The following CAPZB variants were observed in gnomAD, a reference collection of about 807,000 sequenced individuals.
The protein encoded by CAPZB is capping actin protein of muscle Z-line subunit beta.
Under a neutral mutation model 38.1 loss-of-function variants are expected in CAPZB, and 2 were observed. That is an observed-to-expected ratio of 0.05 (90% confidence interval 0.02 to 0.17). CAPZB has a LOEUF of 0.17. Among genes scored for constraint, CAPZB ranks in the 10% least tolerant of loss-of-function variants. The probability of loss-of-function intolerance (pLI) is 1.00; values close to 1 mark genes in which losing one functional copy is unlikely to be tolerated. For synonymous variants in CAPZB, 107 were observed against 127.4 expected (o/e 0.84, Z 1.08); for missense variants, 161 against 334.2 (o/e 0.48, Z 4.04).
chr1:19,449,868 C>T (rs1490875178), intron 1 of CAPZB, among the ~76,000 whole-genome samples: 1 of 150,676 alleles, frequency 6.6e-6, no homozygotes, highest in African/African-American at 2.4e-5. Flanking sequence ...AGGCTGGGCA[C>T]AGTAGCTCAC....
intron 7 of CAPZB, 83 bp downstream of exon 7, chr1:19,345,104 A>C (rs532960744): frequency 1.2e-5 from 12 of 1,028,394 alleles, no homozygotes; most frequent in Admixed American, 1.8e-5. Context: ...GCAGCAGAGA[A>C]GGAGGCCAGC....
chr1:19,461,586 G>T (rs150432723), intron 1 of CAPZB, among the ~76,000 whole-genome samples: 149 of 152,352 alleles, frequency 9.8e-4, no homozygotes, highest in Middle Eastern at 3.4e-3. Context: ...CAGGGCCATT[G>T]CCCCCTTGAC....
intron 1 of CAPZB, among the ~76,000 whole-genome samples, chr1:19,433,215 G>A (rs1042581173): frequency 6.6e-6 from 1 of 152,178 alleles, no homozygotes; most frequent in Admixed American, 6.5e-5. Flanking sequence ...ATAATTATGG[G>A]CAATCCTGAG....
chr1:19,472,521 C>A (rs570889426), intron 1 of CAPZB, among the ~76,000 whole-genome samples: 6 of 152,084 alleles, frequency 3.9e-5, no homozygotes, highest in African/African-American at 1.2e-4. Context: ...ATACTATGCT[C>A]TATTATTCCA....
rs570024908 is a variant in CAPZB at position 19,458,636 on chromosome 1, G to A, written c.3+26800C>T. Among the ~76,000 whole-genome samples the A allele has an allele frequency of 4.1e-4, 62 of 152,348 alleles. 1 individual carries two copies. In the East Asian group the frequency reaches 8.9e-3, roughly 22 times the overall value. ...CTCCCAAAGTGCTGGGATTACAGGC[G>A]TGAGCCACCATGCCCAGCCTTATGC... On this transcript the variant is annotated intron_variant, in intron 1 of 8. Transcript: ENST00000264202.
At chr1:19,361,367 C>T (rs1430024108) in intron 4 of CAPZB, among the ~76,000 whole-genome samples, 7 of 152,208 alleles carry the variant, frequency 4.6e-5, no homozygotes, top group Non-Finnish European at 1.0e-4. Flanking sequence ...TTCCATTCAC[C>T]AAAAGGGATC....
At chr1:19,355,320 C>T (rs1224697689) in intron 6 of CAPZB, among the ~76,000 whole-genome samples, 3 of 151,954 alleles carry the variant, frequency 2.0e-5, no homozygotes, top group Non-Finnish European at 4.4e-5. Flanking sequence ...ATGGTGAAAT[C>T]CCATCTCTAC....
chr1:19,357,283 G>A lies in CAPZB; in HGVS notation c.471+139C>T. 1 of 716,122 alleles carries A rather than the reference G, an allele frequency of 1.4e-6. No homozygotes were observed. The highest frequency in any genetic ancestry group is 1.8e-5 in the South Asian group (1 of 54,804). The allele number at this position is 716,122 out of a possible 1,614,324, so 44.4% of individuals were successfully genotyped here. On this transcript the variant is annotated intron_variant, in intron 5 of 8. Coordinates refer to ENST00000264202, the MANE Select transcript of CAPZB (RefSeq NM_004930.5). The surrounding 1 kb of genome is among the most constrained non-coding windows in gnomAD (Gnocchi z 4.3). Reference sequence around the variant, plus strand: ...ACTGCAGACTTATCTTTATCCAAATGGCTTTGAGGCATTTCTCAGAATTAG... The same window carrying A: ...ACTGCAGACTTATCTTTATCCAAATAGCTTTGAGGCATTTCTCAGAATTAG...
intron 1 of CAPZB, among the ~76,000 whole-genome samples, chr1:19,434,684 C>T (rs2094452492): frequency 6.6e-6 from 1 of 152,098 alleles, no homozygotes; most frequent in Admixed American, 6.5e-5. Context: ...AACCCCAGCA[C>T]TTTGGGAGGC....
chr1:19,369,190 G>A (rs186854316), intron 4 of CAPZB, among the ~76,000 whole-genome samples: 1 of 152,374 alleles, frequency 6.6e-6, no homozygotes, highest in Admixed American at 6.5e-5. Context: ...ACACTGGCCT[G>A]CAGCCTTGGG....
chr1:19,348,943 C>T (rs549573205), intron 6 of CAPZB, among the ~76,000 whole-genome samples: 7 of 152,280 alleles, frequency 4.6e-5, no homozygotes, highest in African/African-American at 1.7e-4. Flanking sequence ...TCTTGGCATG[C>T]TCTGGCAAGT....
intron 4 of CAPZB, among the ~76,000 whole-genome samples, chr1:19,361,568 A>G (rs55852318): frequency 0.074 from 11,221 of 152,326 alleles, 729 homozygotes; most frequent in African/African-American, 0.17. Context: ...CCCCCGCTAC[A>G]TGGTTTATGG....
intron 8 of CAPZB, among the ~76,000 whole-genome samples, chr1:19,343,719 C>T (rs2093945286): frequency 6.6e-6 from 1 of 152,258 alleles, no homozygotes; most frequent in Non-Finnish European, 1.5e-5. Flanking sequence ...CGCCGTGGAC[C>T]TGGAGGGTCC....
At position 19,360,287 on chromosome 1, in the gene CAPZB, C is replaced by A. The variant is rs140603327; in HGVS notation, c.330-2724G>T. 3.1e-3 allele frequency among the ~76,000 whole-genome samples: 468 copies of A among 152,280 alleles called. 2 individuals carry two copies. Among genetic ancestry groups the A allele is most frequent in the South Asian group, 0.026 (125 of 4,822 alleles). ...CTAGCACACCGTTTTCCCTTTCAGT[C>A]GGCTTACAGGGAGAGCAGCCCCACA... On this transcript the variant is annotated intron_variant, in intron 4 of 8. Coordinates refer to ENST00000264202, the MANE Select transcript of CAPZB (RefSeq NM_004930.5).
chr1:19,371,459 A>C (rs1414245461), intron 4 of CAPZB, among the ~76,000 whole-genome samples: 4 of 152,204 alleles, frequency 2.6e-5, no homozygotes, highest in Non-Finnish European at 5.9e-5. Flanking sequence ...TGTGTCACTG[A>C]GTGACGCCTC....
At chr1:19,420,117 AC>A in intron 1 of CAPZB, 1 of 181,622 alleles carries the variant, frequency 5.5e-6, no homozygotes, top group South Asian at 1.6e-4. Flanking sequence ...GTAGCGGATT[AC>A]TTTTGCCCTT....
At position 19,357,664 on chromosome 1, in the gene CAPZB, T is replaced by G; in HGVS notation, c.330-101A>C. Reference sequence around the variant, plus strand: ...GCAAAGATTCTGGGATTCAGGGCCCTCCCTGCGACAGTTATGGGAGCCGAT... The same window carrying G: ...GCAAAGATTCTGGGATTCAGGGCCCGCCCTGCGACAGTTATGGGAGCCGAT... On this transcript the variant is annotated intron_variant, in intron 4 of 8. Transcript: ENST00000264202. The surrounding 1 kb of genome is among the most constrained non-coding windows in gnomAD (Gnocchi z 4.3). 1.4e-5 allele frequency: 16 copies of G among 1,132,888 alleles called. No individual in the cohort carries two copies. Among genetic ancestry groups the G allele is most frequent in the Non-Finnish European group, 1.7e-5 (13 of 775,242 alleles). The allele number at this position is 1,132,888 out of a possible 1,614,324, so 70.2% of individuals were successfully genotyped here. A position where few individuals can be genotyped will look rare whatever the true frequency, so the allele number is the denominator to read the frequency against.
intron 1 of CAPZB, among the ~76,000 whole-genome samples, chr1:19,427,797 C>A (rs2100559065): frequency 6.6e-6 from 1 of 152,390 alleles, no homozygotes; most frequent in South Asian, 2.1e-4. Context: ...AAGGGAATCA[C>A]AGCCACGACA....
Position 19,355,588 on chromosome 1 carries a change from G to C in CAPZB, c.588+1047C>G, listed in dbSNP as rs1445259296. Among the ~76,000 whole-genome samples, 7 of 152,184 alleles carry C rather than the reference G, an allele frequency of 4.6e-5. 1 individual carries two copies. In the South Asian group the frequency reaches 1.4e-3, roughly 31 times the overall value. Reference sequence around the variant, plus strand: ...AGAGCATAATTATCTTACCGAAAGAGATCTCTGATGTTAAAAGGAATTCTC... The same window carrying C: ...AGAGCATAATTATCTTACCGAAAGACATCTCTGATGTTAAAAGGAATTCTC... On this transcript the variant is annotated intron_variant, in intron 6 of 8. Transcript: ENST00000264202.
Sources: gnomAD v4.1 joint callset for allele counts (sites outside exome capture counted in the v4.1 genomes callset) on GRCh38, gnomAD v4.1.1 for gene constraint, Gnocchi (gnomAD v3.1) non-coding constraint, MANE v1.5 for transcripts, NCBI Gene and HGNC (gene_info 2026-07-23, HGNC 2026-07-21) for gene names.